Variants in FBLN1 observed in about 807,000 individuals in gnomAD.
FBLN1 encodes fibulin-1.
FBLN1 carries 34 observed loss-of-function variants against 89.7 expected under a neutral mutation model. The ratio of observed to expected loss-of-function variants is 0.38; its 90% CI spans 0.29 to 0.50. FBLN1 has a LOEUF of 0.50. FBLN1 is among the 20% of genes least tolerant of loss of function. FBLN1 has a pLI of 0.92. For synonymous variants in FBLN1, 393 were observed against 391.3 expected (o/e 1.00, Z -0.05); for missense variants, 777 against 988.1 (o/e 0.79, Z 2.86).
In FBLN1 at chr22:45,583,977, GATGTA is replaced by G. The variant is rs1569265818; in HGVS notation, c.1972+6870_1972+6874del. ...CACTTCTGCATAGGCCTGCACTATC[GATGTA>G]GGTGTGAGGGTCTTTGGGTTGTATC... On this transcript the variant is annotated intron_variant, in intron 16 of 16. Coordinates refer to ENST00000327858, the MANE Select transcript of FBLN1 (RefSeq NM_006486.3). The surrounding 1 kb of genome is among the most constrained non-coding windows in gnomAD (Gnocchi z 4.5). 6.6e-6 allele frequency among the ~76,000 whole-genome samples: 1 copy of G among 152,102 alleles called. No homozygotes were observed. Among genetic ancestry groups the G allele is most frequent in the African/African-American group, 2.4e-5 (1 of 41,404 alleles).
At position 45,588,446 on chromosome 22, in the gene FBLN1, A is replaced by G. The variant is rs1216118853; in HGVS notation, c.1972+11338A>G. Among the ~76,000 whole-genome samples, 2 of 152,220 alleles carry G rather than the reference A, an allele frequency of 1.3e-5. No homozygotes were observed. The highest frequency in any genetic ancestry group is 4.8e-5 in the African/African-American group (2 of 41,454). The stretch of plus-strand genomic sequence containing the variant: ...TTCCACCAAACAATTCCTAGACAGA[A>G]GAGCCTCCAGGGGTTTATTCGTGCA... On this transcript the variant is annotated intron_variant, in intron 16 of 16. Coordinates refer to ENST00000327858, the MANE Select transcript of FBLN1 (RefSeq NM_006486.3). This position sits in a 1 kb window ranked among gnomAD's most constrained non-coding sequence, Gnocchi z 5.1.
chr22:45,542,671 A>C (rs2088572769), intron 10 of FBLN1, among the ~76,000 whole-genome samples: 1 of 152,184 alleles, frequency 6.6e-6, no homozygotes, highest in African/African-American at 2.4e-5. Context: ...CAGCGAGGGG[A>C]AAAGTTGACC....
chr22:45,599,454 T>C (rs541200484), intron 16 of FBLN1, among the ~76,000 whole-genome samples: 35 of 152,226 alleles, frequency 2.3e-4, no homozygotes, highest in African/African-American at 8.2e-4. Context: ...GGTGCTCTGC[T>C]TGCAGGAGGA....
chr22:45,582,338 T>C (rs1410761768), intron 16 of FBLN1, among the ~76,000 whole-genome samples: 1 of 152,212 alleles, frequency 6.6e-6, no homozygotes, highest in Non-Finnish European at 1.5e-5. Flanking sequence ...CTCCCGGCCA[T>C]GGGATCTTGG....
intron 13 of FBLN1, 123 bp downstream of exon 13, chr22:45,548,867 G>A: frequency 2.0e-6 from 3 of 1,477,568 alleles, no homozygotes; most frequent in Middle Eastern, 2.4e-4. Context: ...CAGATGGAAT[G>A]CATTCAGGAA....
chr22:45,528,864 G>A (rs1249440612), intron 4 of FBLN1, among the ~76,000 whole-genome samples: 3 of 152,274 alleles, frequency 2.0e-5, no homozygotes, highest in Non-Finnish European at 4.4e-5. Flanking sequence ...CTGGAGTGAC[G>A]CTGAGTGCTT....
In FBLN1 at chr22:45,557,986, C is replaced by T. The variant is rs1292449909; in HGVS notation, c.1697+7371C>T. The T allele has an allele frequency of 1.4e-6, 1 of 707,836 alleles. No homozygotes were observed. Among genetic ancestry groups the T allele is most frequent in the East Asian group, 2.7e-5 (1 of 36,914 alleles). The allele number at this position is 707,836 out of a possible 1,614,324, so 43.8% of individuals were successfully genotyped here. On this transcript the variant is annotated intron_variant, in intron 14 of 16. Transcript: ENST00000327858. This position sits in a 1 kb window ranked among gnomAD's most constrained non-coding sequence, Gnocchi z 4.9. The stretch of plus-strand genomic sequence containing the variant: ...GATGTCCTAGAAAGGGGCAGTAGTG[C>T]TGCAGCTGTCCACTTTCGGGTGGTG...
intron 16 of FBLN1, among the ~76,000 whole-genome samples, chr22:45,599,718 G>T (rs537143345): frequency 2.2e-4 from 33 of 152,244 alleles, no homozygotes; most frequent in African/African-American, 7.5e-4. Context: ...AGGAGTTTGA[G>T]ACTAGCCTGA....
chr22:45,556,511 G>A lies in FBLN1; in HGVS notation c.1697+5896G>A, dbSNP rs1474186041. On this transcript the variant is annotated intron_variant, in intron 14 of 16. Coordinates refer to ENST00000327858, the MANE Select transcript of FBLN1 (RefSeq NM_006486.3). This position sits in a 1 kb window ranked among gnomAD's most constrained non-coding sequence, Gnocchi z 4.6. Reference sequence around the variant, plus strand: ...TCCTGAAGGGTCTGGGTCATTTGTAGTCCTGCCTGGATTGGGCTGTTGTAG... The same window carrying A: ...TCCTGAAGGGTCTGGGTCATTTGTAATCCTGCCTGGATTGGGCTGTTGTAG... Among the ~76,000 whole-genome samples the A allele has an allele frequency of 6.6e-6, 1 of 151,808 alleles. No homozygotes were observed. The highest frequency in any genetic ancestry group is 1.5e-5 in the Non-Finnish European group (1 of 67,976).
chr22:45,562,987 C>G lies in FBLN1; in HGVS notation c.1698-11524C>G, dbSNP rs775416602. ...CTCTGAGAATAACCTACTACCACCT[C>G]TCTTTCCCCACCAACATCCAAGCGC... is the stretch of plus-strand genomic sequence containing the variant. On this transcript the variant is annotated intron_variant, in intron 14 of 16. Transcript: ENST00000327858. The surrounding 1 kb of genome is among the most constrained non-coding windows in gnomAD (Gnocchi z 7.8). The G allele has an allele frequency of 1.2e-5, 19 of 1,613,928 alleles. No homozygotes were observed. Among genetic ancestry groups the G allele is most frequent in the South Asian group, 4.4e-5 (4 of 91,082 alleles).
At chr22:45,508,901 A>G (rs2088061424) in intron 1 of FBLN1, among the ~76,000 whole-genome samples, 1 of 152,206 alleles carries the variant, frequency 6.6e-6, no homozygotes, top group Non-Finnish European at 1.5e-5. Context: ...TATTTGTGCT[A>G]AGTGCTGGGA....
In FBLN1 at chr22:45,530,163, C is replaced by T. The variant is rs747518905; in HGVS notation, c.485-1102C>T. On this transcript the variant is annotated intron_variant, in intron 4 of 16. Coordinates refer to ENST00000327858, the MANE Select transcript of FBLN1 (RefSeq NM_006486.3). This position sits in a 1 kb window ranked among gnomAD's most constrained non-coding sequence, Gnocchi z 5.4. Reference sequence around the variant, plus strand: ...TTACAGTCATCAAGAGGGATTGGGGCCGCATTCTGCCTCATTCCTTGGCTT... The same window carrying T: ...TTACAGTCATCAAGAGGGATTGGGGTCGCATTCTGCCTCATTCCTTGGCTT... 6.6e-6 allele frequency among the ~76,000 whole-genome samples: 1 copy of T among 152,062 alleles called. No individual in the cohort carries two copies. Among genetic ancestry groups the T allele is most frequent in the Non-Finnish European group, 1.5e-5 (1 of 68,024 alleles).
intron 16 of FBLN1, among the ~76,000 whole-genome samples, chr22:45,591,209 C>G (rs1384939212): frequency 6.6e-6 from 1 of 152,180 alleles, no homozygotes; most frequent in African/African-American, 2.4e-5. Flanking sequence ...TGATTGTCAG[C>G]AACTCACGTA....
rs544399908 is a variant in FBLN1, at chr22:45,585,871, C to T, written c.1972+8763C>T. ...AGAGCCTGTGCCCTGTGTGACGGCG[C>T]GTAGCCCCCCGAAACAGCTGCTGTT... On this transcript the variant is annotated intron_variant, in intron 16 of 16. Transcript: ENST00000327858. Among the ~76,000 whole-genome samples the T allele has an allele frequency of 1.1e-3, 172 of 152,248 alleles. 1 individual carries two copies. The highest frequency in any genetic ancestry group is 3.7e-3 in the African/African-American group (155 of 41,544).
chr22:45,514,239 C>T (rs1010671324), intron 1 of FBLN1, among the ~76,000 whole-genome samples: 3 of 152,154 alleles, frequency 2.0e-5, no homozygotes, highest in Admixed American at 6.5e-5. Flanking sequence ...GTAAAGAGGT[C>T]GGTGCCCTTG....
rs2088564226 is a variant in FBLN1, at chr22:45,542,156, T to C, written c.1068T>C (p.Asp356=). 3.1e-6 allele frequency: 5 copies of C among 1,614,224 alleles called. No homozygotes were observed. The highest frequency in any genetic ancestry group is 4.2e-6 in the Non-Finnish European group (5 of 1,180,042). The change falls in exon 10 of 17, where the codon GAT becomes GAC. Residue 356 remains aspartate (D), a splice_region_variant and synonymous_variant. Transcript: ENST00000327858. ...ATGGCTTTCTTTCTCCTTTGCAAGA[T>C]GTGGACGAGTGCGCGCCACCTGCTG... is the stretch of plus-strand genomic sequence containing the variant. ...HLNEEGTRCV[D]VDECAPPAEP...
chr22:45,551,905 C>G (rs1305609864), intron 14 of FBLN1, among the ~76,000 whole-genome samples: 1 of 152,222 alleles, frequency 6.6e-6, no homozygotes, highest in East Asian at 1.9e-4. Flanking sequence ...TTCTAACTTG[C>G]GCACAGTCGT....
intron 14 of FBLN1, among the ~76,000 whole-genome samples, chr22:45,555,814 T>C (rs890546414): frequency 3.9e-5 from 6 of 152,204 alleles, no homozygotes; most frequent in African/African-American, 1.4e-4. Context: ...AACATAACTA[T>C]ACTTCATACG....
At chr22:45,542,099 G>C (rs1177493605) in intron 9 of FBLN1, 56 bp from the exon 10 acceptor site, 5 of 1,612,910 alleles carry the variant, frequency 3.1e-6, no homozygotes, top group Admixed American at 3.3e-5. Context: ...GATCATCTTG[G>C]GGGGAAAAAA....
Sources: gnomAD v4.1 joint callset for allele counts (sites outside exome capture counted in the v4.1 genomes callset) on GRCh38, gnomAD v4.1.1 for gene constraint, Gnocchi (gnomAD v3.1) non-coding constraint, MANE v1.5 for transcripts, NCBI Gene and HGNC (gene_info 2026-07-23, HGNC 2026-07-21) for gene names.